The following KCNJ6 variants were observed in gnomAD, a reference collection of about 807,000 sequenced individuals.
KCNJ6 encodes G protein-activated inward rectifier potassium channel 2.
KCNJ6 carries 9 observed loss-of-function variants against 34.2 expected under a neutral mutation model. That is an observed-to-expected ratio of 0.26 (90% CI 0.16 to 0.46). The LOEUF (loss-of-function observed/expected upper bound fraction) is 0.46. KCNJ6 is among the 20% of genes least tolerant of loss of function. The pLI is 1.00. For synonymous variants in KCNJ6, 196 were observed against 207.1 expected (o/e 0.95, Z 0.46); for missense variants, 236 against 531.3 (o/e 0.44, Z 5.46).
At chr21:37,743,786 A>C (rs2054953000) in intron 2 of KCNJ6, among the ~76,000 whole-genome samples, 1 of 152,108 alleles carries the variant, frequency 6.6e-6, no homozygotes, top group South Asian at 2.1e-4. Context: ...CTATGACAGT[A>C]CTAGACAGAG....
intron 3 of KCNJ6, among the ~76,000 whole-genome samples, chr21:37,704,629 T>A (rs2054709311): frequency 6.6e-6 from 1 of 151,236 alleles, no homozygotes; most frequent in Non-Finnish European, 1.5e-5. Context: ...ATAATTAAAA[T>A]CTTCCTAGGA....
rs1436024487 is a variant in KCNJ6, at chr21:37,617,845, G to A, written c.*7314C>T. 6.6e-6 allele frequency: 1 copy of A among 152,274 alleles called. No homozygotes were observed. The highest frequency in any genetic ancestry group is 1.5e-5 in the Non-Finnish European group (1 of 68,064). The allele number at this position is 152,274 out of a possible 1,614,324, so 9.4% of individuals were successfully genotyped here. A position where few individuals can be genotyped will look rare whatever the true frequency, so the allele number is the denominator to read the frequency against. ...TGGGAGGGCACCCCTGTGCTTAGCA[G>A]ATGCTAAAGGTCTTAATTTAGTCAT... On this transcript the variant is annotated 3_prime_UTR_variant, in exon 4 of 4. Transcript: ENST00000609713.
intron 2 of KCNJ6, among the ~76,000 whole-genome samples, chr21:37,836,358 A>G (rs1274627093): frequency 6.6e-6 from 1 of 152,200 alleles, no homozygotes; most frequent in Non-Finnish European, 1.5e-5. Flanking sequence ...AGAACCAGAA[A>G]TACCATTTGA....
intron 3 of KCNJ6, among the ~76,000 whole-genome samples, chr21:37,667,709 A>G (rs1398509786): frequency 6.6e-6 from 1 of 151,960 alleles, no homozygotes; most frequent in East Asian, 1.9e-4. Flanking sequence ...CAGGGTGTTT[A>G]GCAGCATTCT....
intron 1 of KCNJ6, among the ~76,000 whole-genome samples, chr21:37,901,115 A>C (rs1017551816): frequency 1.3e-5 from 2 of 152,194 alleles, no homozygotes; most frequent in African/African-American, 4.8e-5. Context: ...ACAAATAAGA[A>C]AGGCTCAGGT....
intron 3 of KCNJ6, among the ~76,000 whole-genome samples, chr21:37,691,651 T>G (rs955446915): frequency 6.6e-6 from 1 of 152,216 alleles, no homozygotes; most frequent in African/African-American, 2.4e-5. Context: ...ACGGTCTCTG[T>G]TCTAGCTTTG....
intron 2 of KCNJ6, among the ~76,000 whole-genome samples, chr21:37,760,940 CAG>C (rs1163677046): frequency 1.3e-5 from 2 of 152,092 alleles, no homozygotes; most frequent in African/African-American, 4.8e-5. Flanking sequence ...GTGCTGAGCT[CAG>C]AGAGGCACAT....
At chr21:37,856,731 C>T (rs2055567040) in intron 1 of KCNJ6, among the ~76,000 whole-genome samples, 1 of 152,110 alleles carries the variant, frequency 6.6e-6, no homozygotes, top group African/African-American at 2.4e-5. Context: ...GGCTTTTCTA[C>T]AGATTTTCCA....
intron 1 of KCNJ6, among the ~76,000 whole-genome samples, chr21:37,866,442 T>C (rs535271142): frequency 1.3e-5 from 2 of 152,276 alleles, no homozygotes; most frequent in African/African-American, 4.8e-5. Flanking sequence ...AGGAAATTGG[T>C]CCTTGGGTGG....
intron 2 of KCNJ6, among the ~76,000 whole-genome samples, chr21:37,733,168 T>C (rs1040027009): frequency 5.3e-5 from 8 of 152,254 alleles, no homozygotes; most frequent in African/African-American, 1.9e-4. Flanking sequence ...CTGCACCCTC[T>C]GGATGTATTT....
At chr21:37,840,045 C>T (rs958610279) in intron 2 of KCNJ6, among the ~76,000 whole-genome samples, 6 of 152,136 alleles carry the variant, frequency 3.9e-5, no homozygotes, top group South Asian at 2.1e-4. Context: ...GTGATCTGCC[C>T]GCCTCAGCCT....
At chr21:37,771,309 A>G (rs532588556) in intron 2 of KCNJ6, among the ~76,000 whole-genome samples, 2 of 152,128 alleles carry the variant, frequency 1.3e-5, no homozygotes, top group Non-Finnish European at 2.9e-5. Context: ...ATCTAGATGG[A>G]CCTGAATCCT....
rs1246830713 is a variant in KCNJ6, at chr21:37,619,749, G to C, written c.*5410C>G. The C allele has an allele frequency of 2.0e-5, 3 of 152,262 alleles. No homozygotes were observed. Among genetic ancestry groups the C allele is most frequent in the African/African-American group, 7.2e-5 (3 of 41,462 alleles). 9.4% of individuals were successfully genotyped at this position (152,262 alleles called of 1,614,324 possible). On this transcript the variant is annotated 3_prime_UTR_variant, in exon 4 of 4. Transcript: ENST00000609713. ...CACTGCAGGTCTGGGCTGCTTTGCT[G>C]AGCAGAGACTGGCAGCCTGAGCTAT...
chr21:37,788,416 C>A (rs1263917938), intron 2 of KCNJ6, among the ~76,000 whole-genome samples: 1 of 152,148 alleles, frequency 6.6e-6, no homozygotes, highest in Non-Finnish European at 1.5e-5. Context: ...TTCGTCCCCC[C>A]ACATTTGCTC....
intron 3 of KCNJ6, among the ~76,000 whole-genome samples, chr21:37,680,556 T>G (rs933707430): frequency 1.3e-5 from 2 of 152,218 alleles, no homozygotes; most frequent in African/African-American, 4.8e-5. Context: ...TTTGAATCAA[T>G]AGACTGAATA....
At chr21:37,828,670 C>G (rs1455289848) in intron 2 of KCNJ6, among the ~76,000 whole-genome samples, 1 of 152,246 alleles carries the variant, frequency 6.6e-6, no homozygotes, top group East Asian at 1.9e-4. Context: ...CTGTCCTCCC[C>G]ACCCTCGTAG....
chr21:37,681,141 T>C (rs1366066671), intron 3 of KCNJ6, among the ~76,000 whole-genome samples: 1 of 82,998 alleles, frequency 1.2e-5, no homozygotes, highest in East Asian at 3.8e-4. Flanking sequence ...ACCTGTCCAT[T>C]AGATGTCAAA....
intron 1 of KCNJ6, among the ~76,000 whole-genome samples, chr21:37,874,168 T>G (rs1360916986): frequency 6.6e-6 from 1 of 152,162 alleles, no homozygotes; most frequent in Non-Finnish European, 1.5e-5. Context: ...CCCAGCCCAA[T>G]GGATGTCATC....
chr21:37,842,192 C>T (rs907256997), intron 1 of KCNJ6, among the ~76,000 whole-genome samples: 5 of 152,168 alleles, frequency 3.3e-5, no homozygotes, highest in African/African-American at 7.2e-5. Flanking sequence ...CCCATGTCAT[C>T]GTTATGAAGT....
Sources: gnomAD v4.1 joint callset for allele counts (sites outside exome capture counted in the v4.1 genomes callset) on GRCh38, gnomAD v4.1.1 for gene constraint, MANE v1.5 for transcripts, NCBI Gene and HGNC (gene_info 2026-07-23, HGNC 2026-07-21) for gene names.